The following DPYD variants were observed in gnomAD, a reference collection of about 807,000 sequenced individuals.
The protein encoded by DPYD is dihydropyrimidine dehydrogenase [NADP(+)].
Under a neutral mutation model 116.2 loss-of-function variants are expected in DPYD, and 109 were observed. The ratio of observed to expected loss-of-function variants is 0.94; its 90% confidence interval spans 0.80 to 1.10. The LOEUF is 1.10. Ranked by LOEUF, DPYD falls within the 50% of genes least tolerant of loss-of-function variation. The pLI is 0.00. For synonymous variants in DPYD, 440 were observed against 432.0 expected, an observed-to-expected ratio of 1.02 and a Z score of -0.23; for missense variants, 1,302 against 1,254.5, an observed-to-expected ratio of 1.04 and a Z score of -0.57.
At chr1:97,381,960 C>T (rs904897975) in intron 15 of DPYD, among the ~76,000 whole-genome samples, 24 of 152,108 alleles carry the variant, frequency 1.6e-4, no homozygotes, top group Non-Finnish European at 3.4e-4. Context: ...ATTAAATGAA[C>T]CTTTTATACT....
chr1:97,831,603 A>T (rs1343109933), intron 2 of DPYD, among the ~76,000 whole-genome samples: 1 of 152,072 alleles, frequency 6.6e-6, no homozygotes, highest in African/African-American at 2.4e-5. Context: ...AATTCAAAAA[A>T]ATTATCCATG....
chr1:97,650,555 T>C (rs1658523228), intron 8 of DPYD, among the ~76,000 whole-genome samples: 1 of 152,160 alleles, frequency 6.6e-6, no homozygotes, highest in Non-Finnish European at 1.5e-5. Flanking sequence ...TAGTTTATGA[T>C]GGTGATTATA....
chr1:97,220,035 T>G (rs962230954), intron 19 of DPYD, among the ~76,000 whole-genome samples: 1 of 152,102 alleles, frequency 6.6e-6, no homozygotes, highest in African/African-American at 2.4e-5. Flanking sequence ...TCTCTCGGGG[T>G]CTCTGAATGG....
At chr1:97,179,883 A>G (rs1207276099) in intron 20 of DPYD, among the ~76,000 whole-genome samples, 1 of 152,170 alleles carries the variant, frequency 6.6e-6, no homozygotes, top group East Asian at 1.9e-4. Flanking sequence ...TAACTAGATC[A>G]ATATGGGTAA....
intron 10 of DPYD, among the ~76,000 whole-genome samples, chr1:97,592,837 A>G (rs763693680): frequency 2.0e-5 from 3 of 152,218 alleles, no homozygotes. Context: ...AAATTGGCTT[A>G]CGGAAAATTC....
chr1:97,255,659 C>T (rs1663403253), intron 18 of DPYD, among the ~76,000 whole-genome samples: 1 of 151,402 alleles, frequency 6.6e-6, no homozygotes, highest in Non-Finnish European at 1.5e-5. Context: ...TCTTTATCAG[C>T]AATATGAAAA....
chr1:97,724,360 G>A lies in DPYD; in HGVS notation c.322-2689C>T, dbSNP rs1290382594. Among the ~76,000 whole-genome samples the A allele has an allele frequency of 1.5e-4, 19 of 130,072 alleles. No homozygotes were observed. In the Admixed American group the frequency reaches 1.5e-3, roughly 10 times the overall value. The allele number at this position is 130,072 out of a possible 152,430, so 85.3% of individuals were successfully genotyped here. A position where few individuals can be genotyped will look rare whatever the true frequency, so the allele number is the denominator to read the frequency against. On this transcript the variant is annotated intron_variant, in intron 4 of 22. Coordinates refer to ENST00000370192, the MANE Select transcript of DPYD (RefSeq NM_000110.4). ...TGTGTGTGTGTGTGTGTGTGTGTGT[G>A]TGTGTATGAGATTTATTATAGGAAA...
chr1:97,585,322 A>C (rs1056646166), intron 10 of DPYD, among the ~76,000 whole-genome samples: 1 of 152,224 alleles, frequency 6.6e-6, no homozygotes, highest in Admixed American at 6.5e-5. Flanking sequence ...TTAAATTGGT[A>C]GGGAACTAAG....
intron 1 of DPYD, among the ~76,000 whole-genome samples, chr1:97,886,172 C>G (rs1227458830): frequency 6.6e-6 from 1 of 152,086 alleles, no homozygotes; most frequent in Non-Finnish European, 1.5e-5. Context: ...ACCCACACCA[C>G]TTCAGTCCAG....
At chr1:97,874,344 CAT>C (rs1309920358) in intron 2 of DPYD, among the ~76,000 whole-genome samples, 2 of 151,900 alleles carry the variant, frequency 1.3e-5, no homozygotes, top group Non-Finnish European at 1.5e-5. Context: ...GTACATTAAA[CAT>C]ATCATAAATT....
intron 8 of DPYD, among the ~76,000 whole-genome samples, chr1:97,627,134 C>T (rs72975745): frequency 1.0e-3 from 159 of 152,044 alleles, no homozygotes; most frequent in African/African-American, 3.7e-3. Flanking sequence ...CATCACTTCC[C>T]AAAGACCCCA....
chr1:97,740,366 A>G, intron 4 of DPYD, 26 bp downstream of exon 4: 3 of 1,563,378 alleles, frequency 1.9e-6, no homozygotes, highest in Non-Finnish European at 1.8e-6. Flanking sequence ...TGTTATTTTC[A>G]TTTGCAGAGT....
intron 3 of DPYD, among the ~76,000 whole-genome samples, chr1:97,824,568 C>CA (rs1669133675): frequency 6.6e-6 from 1 of 152,222 alleles, no homozygotes; most frequent in East Asian, 1.9e-4. Context: ...AGGGCTCTCA[C>CA]ACTAAATGGC....
intron 20 of DPYD, among the ~76,000 whole-genome samples, chr1:97,105,334 C>G (rs905967963): frequency 6.6e-6 from 1 of 152,040 alleles, no homozygotes; most frequent in Non-Finnish European, 1.5e-5. Flanking sequence ...AGAAGGAGCA[C>G]AGCCTGTTGG....
At chr1:97,372,096 T>G (rs927152957) in intron 16 of DPYD, among the ~76,000 whole-genome samples, 28 of 152,142 alleles carry the variant, frequency 1.8e-4, no homozygotes, top group African/African-American at 6.5e-4. Context: ...TAAACTCAGG[T>G]GGGACTAGGG....
chr1:97,267,505 C>T (rs1385018939), intron 18 of DPYD, among the ~76,000 whole-genome samples: 1 of 152,086 alleles, frequency 6.6e-6, no homozygotes, highest in East Asian at 1.9e-4. Context: ...CTGGTGAGAG[C>T]CTTCCTGCTG....
chr1:97,397,504 T>G (rs1673080841), intron 14 of DPYD, among the ~76,000 whole-genome samples: 1 of 152,052 alleles, frequency 6.6e-6, no homozygotes, highest in Non-Finnish European at 1.5e-5. Context: ...AAATTTTCTG[T>G]GCTCCACCTA....
At chr1:97,081,355 AG>A (rs1267397444) in intron 22 of DPYD, among the ~76,000 whole-genome samples, 1 of 152,046 alleles carries the variant, frequency 6.6e-6, no homozygotes, top group Admixed American at 6.6e-5. Context: ...AATATTGTAT[AG>A]TTTTTAGCAA....
intron 13 of DPYD, among the ~76,000 whole-genome samples, chr1:97,513,025 A>G (rs545643714): frequency 1.3e-5 from 2 of 151,828 alleles, no homozygotes; most frequent in African/African-American, 4.8e-5. Flanking sequence ...TTTCTAAAGA[A>G]AGCACATACA....
Sources: gnomAD v4.1 joint callset for allele counts (sites outside exome capture counted in the v4.1 genomes callset) on GRCh38, gnomAD v4.1.1 for gene constraint, MANE v1.5 for transcripts, NCBI Gene and HGNC (gene_info 2026-07-23, HGNC 2026-07-21) for gene names.